The following PHF24 variants were observed in gnomAD, a reference collection of about 807,000 sequenced individuals.
PHF24 encodes the protein Galpha inhibitory interacting protein.
A neutral mutation model predicts 42.6 loss-of-function variants in PHF24; 25 were observed. That is an observed-to-expected ratio of 0.59 (90% CI 0.43 to 0.82). The LOEUF (loss-of-function observed/expected upper bound fraction) is 0.82. PHF24 is among the 40% of genes least tolerant of loss of function. PHF24 has a pLI of 0.00. For synonymous variants in PHF24, 185 were observed against 204.8 expected (o/e 0.90, Z 0.83); for missense variants, 470 against 538.1 (o/e 0.87, Z 1.25).
the PHF24 span, among the ~76,000 whole-genome samples, chr9:34,707,720 T>C: frequency 7.9e-5 from 12 of 151,932 alleles, no homozygotes; most frequent in African/African-American, 1.9e-4. Flanking sequence ...TTCTTCTTCT[T>C]CTCCTCCTTT....
chr9:34,702,509 TG>T, the PHF24 span, among the ~76,000 whole-genome samples: 1 of 152,258 alleles, frequency 6.6e-6, no homozygotes, highest in Non-Finnish European at 1.5e-5. Context: ...AGACTTTCTC[TG>T]GGGTGTTTTA....
the PHF24 span, among the ~76,000 whole-genome samples, chr9:34,770,596 A>C: frequency 1.3e-5 from 2 of 152,210 alleles, no homozygotes; most frequent in African/African-American, 4.8e-5. Context: ...TTGTGTGTGA[A>C]AGGTGGGAAA....
the PHF24 span, among the ~76,000 whole-genome samples, chr9:34,850,011 C>T: frequency 2.0e-5 from 3 of 152,228 alleles, no homozygotes; most frequent in Non-Finnish European, 4.4e-5. Flanking sequence ...GTAACCCGAC[C>T]TTTGTCTCTG....
chr9:34,981,932 G>A (rs934370073), exon 8 of PHF24: 67 of 152,188 alleles, frequency 4.4e-4, no homozygotes, highest in African/African-American at 1.6e-3. Context: ...CTGGTGTAGG[G>A]TGGGACTGGG....
the PHF24 span, among the ~76,000 whole-genome samples, chr9:34,851,508 C>G: frequency 2.6e-5 from 4 of 152,188 alleles, no homozygotes; most frequent in Admixed American, 2.6e-4. Flanking sequence ...GTCTGTCACC[C>G]CTTTCTTTGA....
the PHF24 span, among the ~76,000 whole-genome samples, chr9:34,710,760 C>T: frequency 6.6e-6 from 1 of 152,092 alleles, no homozygotes; most frequent in Admixed American, 6.6e-5. Context: ...AGGCACATGC[C>T]ACTACGTCCG....
the PHF24 span, among the ~76,000 whole-genome samples, chr9:34,775,171 A>T: frequency 1.2e-4 from 18 of 152,228 alleles, no homozygotes; most frequent in African/African-American, 4.3e-4. Flanking sequence ...TCAGCAGATG[A>T]AGAGATAAAC....
the PHF24 span, among the ~76,000 whole-genome samples, chr9:34,886,562 A>G: frequency 1.3e-5 from 2 of 152,086 alleles, no homozygotes; most frequent in Admixed American, 6.6e-5. Flanking sequence ...TTCCAGTATG[A>G]CACTCTTCTA....
the PHF24 span, among the ~76,000 whole-genome samples, chr9:34,930,767 A>G: frequency 6.6e-5 from 10 of 152,344 alleles, no homozygotes; most frequent in East Asian, 1.9e-4. Context: ...TTTCAATATT[A>G]TAACTCCAAT....
In PHF24 at chr9:34,964,915, T is replaced by A. The variant is rs1195141135; in HGVS notation, c.-4-6380T>A. Among the ~76,000 whole-genome samples the A allele has an allele frequency of 7.9e-5, 12 of 152,158 alleles. No homozygotes were observed. In the East Asian group the frequency reaches 2.1e-3, roughly 27 times the overall value. On this transcript the variant is annotated intron_variant, in intron 1 of 7. Coordinates refer to ENST00000242315, the Ensembl canonical transcript of PHF24. ...ACAAATTCCCTGACAGCCACATAAT[T>A]CTTGGGACAATATCTTTTTGGCCTC... is the stretch of plus-strand genomic sequence containing the variant.
At chr9:34,772,608 C>A in the PHF24 span, among the ~76,000 whole-genome samples, 53 of 152,218 alleles carry the variant, frequency 3.5e-4, no homozygotes, top group Non-Finnish European at 4.9e-4. Flanking sequence ...AATATTCTTT[C>A]CATACATGAA....
chr9:34,715,057 T>C, the PHF24 span, among the ~76,000 whole-genome samples: 1 of 152,048 alleles, frequency 6.6e-6, no homozygotes, highest in South Asian at 2.1e-4. Context: ...CCTGGAGATA[T>C]TGAGGTCTGT....
chr9:34,876,954 C>A, the PHF24 span, among the ~76,000 whole-genome samples: 2 of 152,072 alleles, frequency 1.3e-5, no homozygotes, highest in East Asian at 1.9e-4. Flanking sequence ...TATATACATA[C>A]AATGGAATAT....
the PHF24 span, among the ~76,000 whole-genome samples, chr9:34,767,325 T>C: frequency 2.0e-5 from 3 of 152,236 alleles, no homozygotes; most frequent in East Asian, 1.9e-4. Context: ...CACAGAGGCA[T>C]GCAGGCCTCC....
chr9:34,858,728 C>T, the PHF24 span, among the ~76,000 whole-genome samples: 9 of 152,190 alleles, frequency 5.9e-5, no homozygotes, highest in African/African-American at 2.2e-4. Flanking sequence ...TTCTGTTTAG[C>T]TCTTTGAGCA....
the PHF24 span, among the ~76,000 whole-genome samples, chr9:34,751,119 C>T: frequency 1.3e-5 from 2 of 152,168 alleles, no homozygotes; most frequent in Non-Finnish European, 2.9e-5. Context: ...AATCCCAGCA[C>T]TTTGGGAGGC....
At chr9:34,779,280 G>A in the PHF24 span, among the ~76,000 whole-genome samples, 3 of 151,950 alleles carry the variant, frequency 2.0e-5, no homozygotes, top group Non-Finnish European at 4.4e-5. Flanking sequence ...TAAAAGAATA[G>A]AGAAAAATCA....
chr9:34,886,971 A>G, the PHF24 span, among the ~76,000 whole-genome samples: 1 of 152,162 alleles, frequency 6.6e-6, no homozygotes, highest in Admixed American at 6.5e-5. Flanking sequence ...CATCTCAAAC[A>G]ATACAAATGT....
At chr9:34,903,915 A>G in the PHF24 span, among the ~76,000 whole-genome samples, 1 of 152,104 alleles carries the variant, frequency 6.6e-6, no homozygotes, top group Admixed American at 6.5e-5. Flanking sequence ...TATATTCCTA[A>G]GTATTTTATT....
Sources: allele counts gnomAD v4.1 joint callset (sites outside exome capture counted in the v4.1 genomes callset), GRCh38; gene constraint gnomAD v4.1.1; transcripts MANE v1.5; gene names NCBI Gene and HGNC (gene_info 2026-07-23, HGNC 2026-07-21).